Variants in SNTG1 observed in about 807,000 individuals in gnomAD.
SNTG1 encodes gamma-1-syntrophin.
A neutral mutation model predicts 74.7 loss-of-function variants in SNTG1; 39 were observed. The observed-to-expected ratio is 0.52, with a 90% CI of 0.40 to 0.68. The LOEUF (loss-of-function observed/expected upper bound fraction) is 0.68. Ranked by LOEUF, SNTG1 falls within the 30% of genes least tolerant of loss-of-function variation. SNTG1 has a pLI of 0.00. For synonymous variants in SNTG1, 254 were observed against 217.1 expected (o/e 1.17, Z -1.49); for missense variants, 685 against 609.5 (o/e 1.12, Z -1.30).
intron 13 of SNTG1, among the ~76,000 whole-genome samples, chr8:50,601,643 T>C (rs2094776096): frequency 6.6e-6 from 1 of 152,198 alleles, no homozygotes; most frequent in Admixed American, 6.5e-5. Context: ...GTTCATTTGT[T>C]CTAAAGTGCA....
At chr8:50,288,997 A>T (rs2088940417) in intron 2 of SNTG1, among the ~76,000 whole-genome samples, 1 of 152,218 alleles carries the variant, frequency 6.6e-6, no homozygotes, top group Non-Finnish European at 1.5e-5. Context: ...AGTTCCATTT[A>T]GTTCCAACAT....
intron 15 of SNTG1, among the ~76,000 whole-genome samples, chr8:50,690,525 C>G (rs922099723): frequency 6.6e-6 from 1 of 152,164 alleles, no homozygotes; most frequent in Admixed American, 6.5e-5. Flanking sequence ...CATTCAGGAG[C>G]AGGTTGTTCA....
At chr8:49,989,031 T>G (rs1033896876) in intron 1 of SNTG1, among the ~76,000 whole-genome samples, 3 of 151,978 alleles carry the variant, frequency 2.0e-5, no homozygotes, top group African/African-American at 7.2e-5. Flanking sequence ...TTGATCATTA[T>G]AGAGAGCATG....
At chr8:50,129,029 T>C (rs4873406) in intron 1 of SNTG1, among the ~76,000 whole-genome samples, 1 of 151,896 alleles carries the variant, frequency 6.6e-6, no homozygotes, top group Admixed American at 6.6e-5. Context: ...CAGAACATCA[T>C]TTGATGAAGA....
At chr8:50,336,786 G>C (rs2091158210) in intron 2 of SNTG1, among the ~76,000 whole-genome samples, 1 of 152,060 alleles carries the variant, frequency 6.6e-6, no homozygotes, top group African/African-American at 2.4e-5. Flanking sequence ...TGTGTGCTAG[G>C]CATGAGTTTT....
intron 4 of SNTG1, among the ~76,000 whole-genome samples, chr8:50,407,303 G>T (rs1284370808): frequency 6.6e-6 from 1 of 152,130 alleles, no homozygotes; most frequent in Non-Finnish European, 1.5e-5. Context: ...CTAAGGAAAG[G>T]CAGATGTTAG....
chr8:49,979,758 C>A (rs1178364909), intron 1 of SNTG1, among the ~76,000 whole-genome samples: 1 of 152,214 alleles, frequency 6.6e-6, no homozygotes, highest in Non-Finnish European at 1.5e-5. Context: ...GGTATACTGG[C>A]TGAATGTTCT....
chr8:50,501,819 T>C (rs1003160095), intron 8 of SNTG1, among the ~76,000 whole-genome samples: 1 of 152,030 alleles, frequency 6.6e-6, no homozygotes, highest in Admixed American at 6.6e-5. Context: ...GCCAATTCTT[T>C]AATTGCGGTT....
rs564973140 is a variant in SNTG1 at position 50,368,411 on chromosome 8, A to C, written c.-27-25801A>C. ...AAGGATTTGTTAAGCAAAAAGACCC[A>C]GGACAAGGAGATTTAGAAATTTCTC... On this transcript the variant is annotated intron_variant, in intron 2 of 18. Transcript: ENST00000642720. Among the ~76,000 whole-genome samples, 9 of 152,344 alleles carry C rather than the reference A, an allele frequency of 5.9e-5. No individual in the cohort carries two copies. In the East Asian group the frequency reaches 1.7e-3, roughly 29 times the overall value.
At chr8:50,730,531 G>A (rs962553553) in intron 17 of SNTG1, among the ~76,000 whole-genome samples, 2 of 152,096 alleles carry the variant, frequency 1.3e-5, no homozygotes, top group African/African-American at 4.8e-5. Context: ...GATTATAGGA[G>A]CAAATGGAAC....
At chr8:50,367,021 G>T (rs1440155550) in intron 2 of SNTG1, among the ~76,000 whole-genome samples, 1 of 150,876 alleles carries the variant, frequency 6.6e-6, no homozygotes, top group Non-Finnish European at 1.5e-5. Context: ...TGCATCATTG[G>T]TAAGACTAAC....
At position 50,313,200 on chromosome 8, in the gene SNTG1, T is replaced by C. The variant is rs562184593; in HGVS notation, c.-27-81012T>C. Reference sequence around the variant, plus strand: ...TAGTCTGAAATGTAAGATCTGAAACTATAAAATAATTCAAAGAAAAACTTA... The same window carrying C: ...TAGTCTGAAATGTAAGATCTGAAACCATAAAATAATTCAAAGAAAAACTTA... On this transcript the variant is annotated intron_variant, in intron 2 of 18. Transcript: ENST00000642720. Among the ~76,000 whole-genome samples the C allele has an allele frequency of 3.5e-4, 52 of 149,914 alleles. 4 individuals carry two copies. The highest frequency in any genetic ancestry group is 1.3e-3 in the African/African-American group (51 of 40,236).
chr8:50,201,934 G>A (rs142906864), intron 2 of SNTG1, among the ~76,000 whole-genome samples: 52 of 152,002 alleles, frequency 3.4e-4, no homozygotes, highest in Admixed American at 7.9e-4. Flanking sequence ...ATTTACTGAT[G>A]TATTCAATTC....
At chr8:50,152,152 A>G (rs1157734561) in intron 1 of SNTG1, among the ~76,000 whole-genome samples, 3 of 152,140 alleles carry the variant, frequency 2.0e-5, no homozygotes, top group African/African-American at 7.2e-5. Flanking sequence ...TCCCTTTACC[A>G]TTATGTAATG....
At chr8:50,676,829 A>T (rs1191107460) in intron 15 of SNTG1, among the ~76,000 whole-genome samples, 1 of 151,940 alleles carries the variant, frequency 6.6e-6, no homozygotes, top group Non-Finnish European at 1.5e-5. Flanking sequence ...ACTATTTTTT[A>T]AAGATATTTC....
chr8:50,194,286 A>T (rs761499181), intron 2 of SNTG1, among the ~76,000 whole-genome samples: 1 of 152,094 alleles, frequency 6.6e-6, no homozygotes, highest in Non-Finnish European at 1.5e-5. Flanking sequence ...TTCTGCTGTG[A>T]ATCCATCTGG....
intron 2 of SNTG1, among the ~76,000 whole-genome samples, chr8:50,303,934 A>T (rs1360123844): frequency 1.9e-5 from 2 of 103,412 alleles, no homozygotes; most frequent in Non-Finnish European, 4.8e-5. Flanking sequence ...TCTGCTACGT[A>T]CAGTAGAATG....
At chr8:50,115,640 G>A (rs1381289283) in intron 1 of SNTG1, among the ~76,000 whole-genome samples, 2 of 150,852 alleles carry the variant, frequency 1.3e-5, no homozygotes, top group African/African-American at 2.4e-5. Flanking sequence ...CTGCAGTTAA[G>A]GAGACAAGTG....
At chr8:50,016,866 A>T (rs986592179) in intron 1 of SNTG1, among the ~76,000 whole-genome samples, 1 of 152,158 alleles carries the variant, frequency 6.6e-6, no homozygotes, top group Non-Finnish European at 1.5e-5. Flanking sequence ...AAAAAATGCA[A>T]TGAGTTTGCA....
Sources: allele counts gnomAD v4.1 joint callset (sites outside exome capture counted in the v4.1 genomes callset), GRCh38; gene constraint gnomAD v4.1.1; transcripts MANE v1.5; gene names NCBI Gene and HGNC (gene_info 2026-07-23, HGNC 2026-07-21).